Variants in DLGAP1 observed in about 807,000 individuals in gnomAD.
DLGAP1 encodes DLG associated protein 1, also known as disks large-associated protein 1.
Under a neutral mutation model 90.8 loss-of-function variants are expected in DLGAP1, and 11 were observed. The ratio of observed to expected loss-of-function variants is 0.12; its 90% CI spans 0.08 to 0.20. The LOEUF (loss-of-function observed/expected upper bound fraction) is 0.20, where lower values mean the gene tolerates loss of function less well. Ranked by LOEUF, DLGAP1 falls within the 10% of genes least tolerant of loss-of-function variation. DLGAP1 has a pLI of 1.00. For synonymous variants in DLGAP1, 558 were observed against 540.7 expected, an observed-to-expected ratio of 1.03 and a Z score of -0.44; for missense variants, 1,050 against 1,333.8, an observed-to-expected ratio of 0.79 and a Z score of 3.31.
intron 1 of DLGAP1, among the ~76,000 whole-genome samples, chr18:4,339,167 C>T (rs540830264): frequency 3.9e-5 from 6 of 152,138 alleles, no homozygotes; most frequent in Non-Finnish European, 7.3e-5. Flanking sequence ...TAAGTCAGGA[C>T]CAAGTTTTCA....
chr18:4,080,889 CCTTTT>C (rs1019968653), intron 2 of DLGAP1, among the ~76,000 whole-genome samples: 2 of 117,392 alleles, frequency 1.7e-5, no homozygotes, highest in African/African-American at 5.9e-5. Context: ...ATTTGAATGC[CCTTTT>C]TTTTTTTTTT....
intron 7 of DLGAP1, chr18:3,655,962 G>T: frequency 1.1e-6 from 1 of 886,486 alleles, no homozygotes; most frequent in Non-Finnish European, 1.7e-6. Context: ...CAGATGCAAT[G>T]GCAATAGCTG....
intron 3 of DLGAP1, among the ~76,000 whole-genome samples, chr18:3,992,298 T>C (rs1423915574): frequency 1.3e-5 from 2 of 152,214 alleles, no homozygotes; most frequent in Non-Finnish European, 2.9e-5. Context: ...TTGAACTTAG[T>C]TCATAAAATG....
chr18:3,600,881 G>GATATATATAGATATATAGAT (rs2056931862), intron 7 of DLGAP1, among the ~76,000 whole-genome samples: 1 of 9,928 alleles, frequency 1.0e-4, no homozygotes, highest in Non-Finnish European at 3.4e-4. Context: ...TAGATATATA[G>GATATATATAGATATATAGAT]ATAGATATAT....
intron 7 of DLGAP1, among the ~76,000 whole-genome samples, chr18:3,701,937 G>A (rs941379470): frequency 1.3e-5 from 2 of 152,146 alleles, no homozygotes; most frequent in Non-Finnish European, 2.9e-5. Context: ...TGAAGTGACT[G>A]TTTAAGATTT....
chr18:3,865,978 T>C (rs1478048234), intron 4 of DLGAP1, among the ~76,000 whole-genome samples: 1 of 152,192 alleles, frequency 6.6e-6, no homozygotes, highest in Non-Finnish European at 1.5e-5. Context: ...TTCAGTATGG[T>C]GCTGTGGAAA....
At position 4,057,000 on chromosome 18, in the gene DLGAP1, T is replaced by TAC. The variant is rs1435727039; in HGVS notation, c.-158-51801_-158-51800dup. On this transcript the variant is annotated intron_variant, in intron 2 of 12. Coordinates refer to ENST00000315677, the MANE Select transcript of DLGAP1 (RefSeq NM_004746.4). Reference sequence around the variant, plus strand: ...ATTTGCATTTATTAGCAACTGACCATACATACACACACACACACACACACA... The same window carrying TAC: ...ATTTGCATTTATTAGCAACTGACCATACACATACACACACACACACACACACA... Among the ~76,000 whole-genome samples, 132 of 94,980 alleles carry TAC rather than the reference T, an allele frequency of 1.4e-3. 1 individual carries two copies. Among genetic ancestry groups the TAC allele is most frequent in the Admixed American group, 2.4e-3 (19 of 7,894 alleles). The allele number at this position is 94,980 out of a possible 152,430, so 62.3% of individuals were successfully genotyped here. A position where few individuals can be genotyped will look rare whatever the true frequency, so the allele number is the denominator to read the frequency against.
chr18:4,392,593 C>A (rs1388667146), intron 1 of DLGAP1, among the ~76,000 whole-genome samples: 2 of 152,146 alleles, frequency 1.3e-5, no homozygotes, highest in African/African-American at 2.4e-5. Flanking sequence ...CTTGGCTGAT[C>A]CACCTACTCA....
intron 3 of DLGAP1, among the ~76,000 whole-genome samples, chr18:3,929,318 C>T (rs1203115881): frequency 2.0e-5 from 3 of 152,102 alleles, no homozygotes; most frequent in African/African-American, 7.2e-5. Flanking sequence ...GCACATTATC[C>T]CCATAAATTT....
chr18:4,206,816 A>G (rs201490590), intron 1 of DLGAP1, among the ~76,000 whole-genome samples: 1 of 152,134 alleles, frequency 6.6e-6, no homozygotes, highest in East Asian at 1.9e-4. Flanking sequence ...ATCCCCATTC[A>G]TTCCCTGGTT....
At chr18:3,814,428 C>A (rs909196641) in intron 4 of DLGAP1, among the ~76,000 whole-genome samples, 155 bp from the exon 5 acceptor site, 2 of 133,058 alleles carry the variant, frequency 1.5e-5, no homozygotes, top group African/African-American at 5.8e-5. Context: ...GTGGTGCAAT[C>A]TTGGCTCACT....
chr18:3,918,689 T>C (rs2072200427), intron 3 of DLGAP1, among the ~76,000 whole-genome samples: 1 of 152,166 alleles, frequency 6.6e-6, no homozygotes, highest in African/African-American at 2.4e-5. Flanking sequence ...GAGCAAAGAC[T>C]ACCCTTCCTG....
intron 1 of DLGAP1, among the ~76,000 whole-genome samples, chr18:4,269,392 C>T (rs924604599): frequency 2.1e-5 from 3 of 145,506 alleles, no homozygotes; most frequent in East Asian, 2.1e-4. Flanking sequence ...CTTGCTCTGT[C>T]GCCCAGGCTG....
intron 7 of DLGAP1, among the ~76,000 whole-genome samples, chr18:3,694,447 TTG>T (rs550646610): frequency 1.7e-3 from 215 of 126,884 alleles, no homozygotes; most frequent in African/African-American, 6.0e-3. Flanking sequence ...TTCTAGATCC[TTG>T]AGGATCTACA....
At chr18:4,062,719 T>C (rs1273948695) in intron 2 of DLGAP1, among the ~76,000 whole-genome samples, 1 of 152,144 alleles carries the variant, frequency 6.6e-6, no homozygotes, top group Non-Finnish European at 1.5e-5. Context: ...TTGTTTTTAA[T>C]AAAAATGAGA....
At chr18:4,336,374 G>T (rs1326848405) in intron 1 of DLGAP1, among the ~76,000 whole-genome samples, 1 of 152,182 alleles carries the variant, frequency 6.6e-6, no homozygotes, top group East Asian at 1.9e-4. Flanking sequence ...GGACCACTGT[G>T]CTGACCACAT....
rs1288853987 is a variant in DLGAP1, at chr18:4,265,631, CTCCCTCCCCT to C, written c.-266-114354_-266-114345del. Among the ~76,000 whole-genome samples the C allele has an allele frequency of 5.6e-5, 3 of 53,196 alleles. 1 individual carries two copies. Among genetic ancestry groups the C allele is most frequent in the Non-Finnish European group, 9.5e-5 (3 of 31,542 alleles). 34.9% of individuals were successfully genotyped at this position (53,196 alleles called of 152,430 possible). A position where few individuals can be genotyped will look rare whatever the true frequency, so the allele number is the denominator to read the frequency against. On this transcript the variant is annotated intron_variant, in intron 1 of 12. Transcript: ENST00000315677. ...TCCTTCCTTCCCTCCCTCCCCTTCCCTCCCTCCCCTTCCCTCCCTCCCTCCCTCCCTCCCT... is the reference window on the plus strand; with the variant it reads ...TCCTTCCTTCCCTCCCTCCCCTTCCCTCCCTCCCTCCCTCCCTCCCTCCCT...
At chr18:3,800,236 T>A (rs1325480379) in intron 5 of DLGAP1, among the ~76,000 whole-genome samples, 1 of 152,240 alleles carries the variant, frequency 6.6e-6, no homozygotes, top group Non-Finnish European at 1.5e-5. Flanking sequence ...CAAGCCTTCA[T>A]GTTTATTGAA....
chr18:4,089,506 C>CAA (rs956059432), intron 2 of DLGAP1, among the ~76,000 whole-genome samples: 23 of 151,698 alleles, frequency 1.5e-4, no homozygotes, highest in African/African-American at 5.3e-4. Flanking sequence ...CAATCCTAAG[C>CAA]AAAAAAAACA....
Sources: gnomAD v4.1 joint callset for allele counts (sites outside exome capture counted in the v4.1 genomes callset) on GRCh38, gnomAD v4.1.1 for gene constraint, MANE v1.5 for transcripts, NCBI Gene and HGNC (gene_info 2026-07-23, HGNC 2026-07-21) for gene names.